UTP6: variants seen among roughly 807,000 people sequenced by gnomAD.
UTP6 encodes the protein U3 small nucleolar RNA-associated protein 6 homolog.
Under a neutral mutation model 96.5 loss-of-function variants are expected in UTP6, and 60 were observed. The ratio of observed to expected loss-of-function variants is 0.62; its 90% CI spans 0.51 to 0.77. UTP6 has a LOEUF of 0.77. UTP6 is among the 30% of genes least tolerant of loss of function. The probability of loss-of-function intolerance (pLI) is 0.00; values close to 1 mark genes in which losing one functional copy is unlikely to be tolerated. For missense variants in UTP6, 637 were observed against 706.5 expected (o/e 0.90, Z 1.12); for synonymous variants, 215 against 240.1 (o/e 0.90, Z 0.96).
chr17:31,863,340 C>G lies in UTP6; in HGVS notation c.*19G>C. The G allele has an allele frequency of 6.2e-7, 1 of 1,611,364 alleles. No individual in the cohort carries two copies. Among genetic ancestry groups the G allele is most frequent in the Non-Finnish European group, 8.5e-7 (1 of 1,179,226 alleles). ...TTGCTTGCAATACTATTTCACAAAG[C>G]TGACTGTATTCTTCATCTTCATAAA... is the stretch of plus-strand genomic sequence containing the variant. On this transcript the variant is annotated 3_prime_UTR_variant, in exon 19 of 19. Transcript: ENST00000261708.
chr17:31,897,668 C>T lies in UTP6; in HGVS notation c.177+1978G>A, dbSNP rs528307483. Among the ~76,000 whole-genome samples, 37 of 152,026 alleles carry T rather than the reference C, an allele frequency of 2.4e-4. No homozygotes were observed. In the South Asian group the frequency reaches 5.4e-3, roughly 22 times the overall value. On this transcript the variant is annotated intron_variant, in intron 2 of 18. Coordinates refer to ENST00000261708, the MANE Select transcript of UTP6 (RefSeq NM_018428.3). ...TTCACCATGTTGGCCAGGCTGGTCTCGAACTCCTGACCACAGGTGATCTGC... is the reference window on the plus strand; with the variant it reads ...TTCACCATGTTGGCCAGGCTGGTCTTGAACTCCTGACCACAGGTGATCTGC...
intron 17 of UTP6, among the ~76,000 whole-genome samples, chr17:31,867,155 C>G (rs897711691): frequency 3.3e-5 from 5 of 152,112 alleles, no homozygotes; most frequent in Non-Finnish European, 5.9e-5. Context: ...CTGGCTATTA[C>G]ATATTAGGCT....
At position 31,901,561 on chromosome 17, in the gene UTP6, C is replaced by T. The variant is rs746145090; in HGVS notation, c.67G>A (p.Gly23Arg). The T allele has an allele frequency of 4.3e-6, 7 of 1,613,938 alleles. No individual in the cohort carries two copies. ...TTAATCTCCGCATGACTGAACAGTCCAATGCGCTCCAGCTGTTCCAATTCC... is the reference window on the plus strand; with the variant it reads ...TTAATCTCCGCATGACTGAACAGTCTAATGCGCTCCAGCTGTTCCAATTCC... ...LPELEQLERI[G>R]LFSHAEIKAI... Residue 23 changes from glycine (G) to arginine (R), a missense_variant, in exon 1 of 19, where the codon GGA becomes AGA. Gly to Arg is a moderately radical substitution (Grantham distance 125, BLOSUM62 -2). Transcript: ENST00000261708.
At chr17:31,868,578 G>A (rs1311918688) in intron 16 of UTP6, among the ~76,000 whole-genome samples, 4 of 151,634 alleles carry the variant, frequency 2.6e-5, no homozygotes, top group Admixed American at 1.3e-4. Flanking sequence ...CAATCCTCCC[G>A]CCTCAGCCTT....
chr17:31,880,630 G>T lies in UTP6; in HGVS notation c.910C>A (p.Arg304=). The T allele has an allele frequency of 6.2e-7, 1 of 1,613,988 alleles. No homozygotes were observed. The highest frequency in any genetic ancestry group is 2.2e-5 in the East Asian group (1 of 44,868). ...TKQAKAVEVG[R]KEERCCAVYE... ...ACAGCACAGCACCTCTCCTCCTTCCGGCCGACCTCCACTGCTTTGGCTTGT... is the reference window on the plus strand; with the variant it reads ...ACAGCACAGCACCTCTCCTCCTTCCTGCCGACCTCCACTGCTTTGGCTTGT... Residue 304 remains arginine, a synonymous_variant, in exon 11 of 19, where the codon CGG becomes AGG. Coordinates refer to ENST00000261708, the MANE Select transcript of UTP6 (RefSeq NM_018428.3).
chr17:31,897,244 T>C (rs534865717), intron 2 of UTP6, among the ~76,000 whole-genome samples: 1 of 152,006 alleles, frequency 6.6e-6, no homozygotes, highest in East Asian at 1.9e-4. Context: ...GCTCGCACCA[T>C]TGCACTCCAG....
intron 18 of UTP6, among the ~76,000 whole-genome samples, chr17:31,864,113 A>C (rs1339128498): frequency 6.6e-6 from 1 of 151,950 alleles, no homozygotes; most frequent in East Asian, 1.9e-4. Flanking sequence ...GGCTAGGCAC[A>C]GTGGTTCACA....
At chr17:31,878,621 GA>G (rs2142302300) in intron 12 of UTP6, 80 bp downstream of exon 12, 1 of 1,323,458 alleles carries the variant, frequency 7.6e-7, no homozygotes, top group African/African-American at 1.5e-5. Flanking sequence ...AACTGTGCCA[GA>G]CACCAAAAGA....
chr17:31,892,895 G>A, intron 4 of UTP6, 101 bp from the exon 5 acceptor site: 3 of 1,391,212 alleles, frequency 2.2e-6, no homozygotes, highest in South Asian at 1.2e-5. Flanking sequence ...ATTTCAGGTT[G>A]GATGCGGTGG....
intron 5 of UTP6, 141 bp downstream of exon 5, chr17:31,892,606 T>A (rs1904385033): frequency 1.1e-6 from 1 of 910,742 alleles, no homozygotes; most frequent in South Asian, 1.6e-5. Context: ...AGATATCCAA[T>A]GTTATATTGA....
At chr17:31,886,668 A>G (rs1340106641) in intron 8 of UTP6, 2 of 152,752 alleles carry the variant, frequency 1.3e-5, no homozygotes, top group Non-Finnish European at 1.5e-5. Flanking sequence ...TCCGTCTGAG[A>G]AAAAAGTTCT....
In UTP6 at chr17:31,878,792, C is replaced by T. The variant is rs767923231; in HGVS notation, c.968-11G>A. The T allele has an allele frequency of 1.2e-6, 2 of 1,613,258 alleles. No homozygotes were observed. Among genetic ancestry groups the T allele is most frequent in the African/African-American group, 2.7e-5 (2 of 74,882 alleles). Reference sequence around the variant, plus strand: ...ACTTCCACATGGCCTCTGGAAAAGTCAGAAAGATTGTGTTGATCAGATCAC... The same window carrying T: ...ACTTCCACATGGCCTCTGGAAAAGTTAGAAAGATTGTGTTGATCAGATCAC... On this transcript the variant is annotated splice_polypyrimidine_tract_variant and intron_variant, in intron 11 of 18. Coordinates refer to ENST00000261708, the MANE Select transcript of UTP6 (RefSeq NM_018428.3).
At chr17:31,886,161 A>C (rs1200056544) in intron 8 of UTP6, 100 bp from the exon 9 acceptor site, 21 of 933,164 alleles carry the variant, frequency 2.3e-5, no homozygotes, top group Non-Finnish European at 3.3e-5. Context: ...CCATATGACC[A>C]CTGGTAAATC....
In UTP6 at chr17:31,898,100, C is replaced by G. The variant is rs142880345; in HGVS notation, c.177+1546G>C. Among the ~76,000 whole-genome samples the G allele has an allele frequency of 6.6e-5, 10 of 151,896 alleles. No individual in the cohort carries two copies. In the South Asian group the frequency reaches 2.1e-3, roughly 32 times the overall value. On this transcript the variant is annotated intron_variant, in intron 2 of 18. Coordinates refer to ENST00000261708, the MANE Select transcript of UTP6 (RefSeq NM_018428.3). Reference sequence around the variant, plus strand: ...CAGTAGAAAAAAAAAAGAAAGAAAACGACAAGAGAGAAAGAGGAGGGGAAA... The same window carrying G: ...CAGTAGAAAAAAAAAAGAAAGAAAAGGACAAGAGAGAAAGAGGAGGGGAAA...
intron 6 of UTP6, among the ~76,000 whole-genome samples, chr17:31,891,146 C>T (rs970633186): frequency 6.6e-6 from 1 of 152,066 alleles, no homozygotes. Flanking sequence ...TTAAAAATGA[C>T]GCCTGATTGG....
chr17:31,880,121 A>T (rs904744613), intron 11 of UTP6: 1 of 173,158 alleles, frequency 5.8e-6, no homozygotes, highest in Admixed American at 5.5e-5. Flanking sequence ...AAAACAAAAA[A>T]CAAAAAAAAC....
chr17:31,866,454 C>T (rs139193603), intron 17 of UTP6, among the ~76,000 whole-genome samples: 15,232 of 151,408 alleles, frequency 0.1, 1,449 homozygotes, highest in African/African-American at 0.26. Flanking sequence ...TAGGGCCAGG[C>T]GCGGTGGCTC....
In UTP6 at chr17:31,887,317, C is replaced by T. The variant is rs1911209682; in HGVS notation, c.544-4G>A. 6.2e-7 allele frequency: 1 copy of T among 1,613,166 alleles called. No homozygotes were observed. Among genetic ancestry groups the T allele is most frequent in the Non-Finnish European group, 8.5e-7 (1 of 1,179,484 alleles). ...GCATCAGCTCCATCCTAAAGTACTACAGAAGAGAAATAAACTGAAAATCTT... is the reference window on the plus strand; with the variant it reads ...GCATCAGCTCCATCCTAAAGTACTATAGAAGAGAAATAAACTGAAAATCTT... On this transcript the variant is annotated splice_polypyrimidine_tract_variant and splice_region_variant and intron_variant, in intron 7 of 18. Coordinates refer to ENST00000261708, the MANE Select transcript of UTP6 (RefSeq NM_018428.3).
At chr17:31,882,000 G>T (rs1910871017) in intron 10 of UTP6, among the ~76,000 whole-genome samples, 1 of 151,900 alleles carries the variant, frequency 6.6e-6, no homozygotes, top group Non-Finnish European at 1.5e-5. Flanking sequence ...TTATAGCTGA[G>T]CTCTTCATTT....
Sources: gnomAD v4.1 joint callset for allele counts (sites outside exome capture counted in the v4.1 genomes callset) on GRCh38, gnomAD v4.1.1 for gene constraint, MANE v1.5 for transcripts, NCBI Gene and HGNC (gene_info 2026-07-23, HGNC 2026-07-21) for gene names.